SRGAP2: variants seen among roughly 807,000 people sequenced by gnomAD.
The protein encoded by SRGAP2 is SLIT-ROBO Rho GTPase-activating protein 2.
A neutral mutation model predicts 57.2 loss-of-function variants in SRGAP2; 15 were observed. That is an observed-to-expected ratio of 0.26 (90% CI 0.18 to 0.40). The LOEUF (loss-of-function observed/expected upper bound fraction) is 0.40, where lower values mean the gene tolerates loss of function less well. Ranked by LOEUF, SRGAP2 falls within the 10% of genes least tolerant of loss-of-function variation. The pLI is 1.00. For missense variants in SRGAP2, 520 were observed against 669.6 expected, an observed-to-expected ratio of 0.78 and a Z score of 2.47; for synonymous variants, 249 against 248.0, an observed-to-expected ratio of 1.00 and a Z score of -0.04.
chr1:206,419,899 G>A lies in SRGAP2; in HGVS notation c.1469+499G>A, dbSNP rs962078980. Among the ~76,000 whole-genome samples, 11 of 151,740 alleles carry A rather than the reference G, an allele frequency of 7.2e-5. No individual in the cohort carries two copies. The East Asian group carries it at 1.7e-3, about 24-fold the overall frequency. On this transcript the variant is annotated intron_variant, in intron 12 of 22. Transcript: ENST00000573034. ...ATGAAATATTACATTGCATTGGCTC[G>A]CCAAAGAGTATTGGTAGAAATATTT... is the stretch of plus-strand genomic sequence containing the variant.
chr1:206,291,425 A>G (rs1671313410), intron 2 of SRGAP2, among the ~76,000 whole-genome samples: 1 of 152,136 alleles, frequency 6.6e-6, no homozygotes, highest in African/African-American at 2.4e-5. Context: ...ATAACAATCC[A>G]GTGGAGTGGC....
intron 5 of SRGAP2, among the ~76,000 whole-genome samples, chr1:206,391,650 C>A (rs1311474835): frequency 6.8e-6 from 1 of 146,338 alleles, no homozygotes; most frequent in African/African-American, 2.7e-5. Flanking sequence ...CATGCACACA[C>A]ACACCCAACT....
chr1:206,453,354 C>A lies in SRGAP2; in HGVS notation c.2334C>A (p.Pro778=). 1 of 728,596 alleles carries A rather than the reference C, an allele frequency of 1.4e-6. No individual in the cohort carries two copies. Among genetic ancestry groups the A allele is most frequent in the Non-Finnish European group, 2.6e-6 (1 of 390,036 alleles). The allele number at this position is 728,596 out of a possible 1,614,324, so 45.1% of individuals were successfully genotyped here. The part of the protein sequence containing the change: ...GRHNGIDGLI[P]HQYIVVQDTE... Reference sequence around the variant, plus strand: ...ACAATGGCATCGACGGACTCATCCCCCATCAGTACATCGTGGTCCAAGACA... The same window carrying A: ...ACAATGGCATCGACGGACTCATCCCACATCAGTACATCGTGGTCCAAGACA... Residue 778 remains proline (P), a synonymous_variant, in exon 20 of 23, where the codon CCC becomes CCA. Transcript: ENST00000573034.
intron 22 of SRGAP2, among the ~76,000 whole-genome samples, 173 bp from the exon 23 acceptor site, chr1:206,460,864 G>A (rs1029208682): frequency 3.3e-5 from 5 of 151,592 alleles, no homozygotes; most frequent in Non-Finnish European, 5.9e-5. Flanking sequence ...AAATCCCTCC[G>A]TCCCCCTTTC....
chr1:206,453,691 G>A, intron 20 of SRGAP2: 1 of 272,386 alleles, frequency 3.7e-6, no homozygotes, highest in Non-Finnish European at 6.8e-6. Flanking sequence ...GATAACAAGG[G>A]GTTTTTATTT....
At chr1:206,359,893 G>A (rs1440294914) in intron 4 of SRGAP2, among the ~76,000 whole-genome samples, 11 of 124,140 alleles carry the variant, frequency 8.9e-5, no homozygotes, top group Non-Finnish European at 1.3e-4. Context: ...TGCAAGCTCC[G>A]CCTCCCGGGT....
intron 12 of SRGAP2, among the ~76,000 whole-genome samples, chr1:206,420,807 C>G (rs928976311): frequency 6.6e-6 from 1 of 152,130 alleles, no homozygotes; most frequent in Non-Finnish European, 1.5e-5. Context: ...AAAAATTGTT[C>G]CCTGTAAAGA....
intron 3 of SRGAP2, among the ~76,000 whole-genome samples, chr1:206,319,051 T>C (rs1447479550): frequency 2.0e-5 from 3 of 152,170 alleles, no homozygotes; most frequent in African/African-American, 4.8e-5. Context: ...GTTATTGTTA[T>C]GGGCTTTGTC....
At chr1:206,436,115 T>C (rs1208417168) in intron 14 of SRGAP2, among the ~76,000 whole-genome samples, 1 of 152,068 alleles carries the variant, frequency 6.6e-6, no homozygotes, top group African/African-American at 2.4e-5. Flanking sequence ...TATCATCAGC[T>C]ATCATTAGAA....
At chr1:206,332,804 C>T (rs1674466180) in intron 3 of SRGAP2, among the ~76,000 whole-genome samples, 1 of 152,006 alleles carries the variant, frequency 6.6e-6, no homozygotes, top group South Asian at 2.1e-4. Context: ...CTTCTTCTCT[C>T]AGCTCGTCAA....
At chr1:206,272,480 C>T (rs1234407961) in intron 2 of SRGAP2, among the ~76,000 whole-genome samples, 2 of 151,644 alleles carry the variant, frequency 1.3e-5, no homozygotes, top group East Asian at 1.9e-4. Context: ...GGCACGATCT[C>T]GGCTCTCTGC....
chr1:206,325,721 AT>A (rs1385114047), intron 3 of SRGAP2, among the ~76,000 whole-genome samples: 4 of 151,928 alleles, frequency 2.6e-5, no homozygotes, highest in Non-Finnish European at 4.4e-5. Context: ...CTATAAGTTG[AT>A]TTTTTTAAAC....
intron 21 of SRGAP2, chr1:206,458,224 A>T (rs1663995495): frequency 2.5e-6 from 1 of 395,100 alleles, no homozygotes; most frequent in African/African-American, 2.1e-5. Flanking sequence ...TCCTCTTACC[A>T]GCAATCTTGA....
chr1:206,396,864 AG>A (rs1657645537), intron 7 of SRGAP2, among the ~76,000 whole-genome samples: 1 of 133,706 alleles, frequency 7.5e-6, no homozygotes, highest in Non-Finnish European at 1.6e-5. Context: ...GAAGGAAGAA[AG>A]GAATAGAAAG....
At chr1:206,442,294 G>A (rs1310639318) in intron 17 of SRGAP2, among the ~76,000 whole-genome samples, 1 of 152,206 alleles carries the variant, frequency 6.6e-6, no homozygotes. Context: ...CTGCCTTTGG[G>A]TTGAACACCC....
At chr1:206,325,452 T>C (rs1433240155) in intron 3 of SRGAP2, among the ~76,000 whole-genome samples, 1 of 151,482 alleles carries the variant, frequency 6.6e-6, no homozygotes, top group East Asian at 1.9e-4. Flanking sequence ...CAAGTGATCC[T>C]CCCACCTCAG....
chr1:206,439,171 C>G (rs1662045545), intron 16 of SRGAP2, among the ~76,000 whole-genome samples: 1 of 152,064 alleles, frequency 6.6e-6, no homozygotes, highest in Admixed American at 6.6e-5. Context: ...CCAGTACTTC[C>G]CATCTCTTTT....
At chr1:206,210,645 G>T (rs1264082118) in intron 2 of SRGAP2, among the ~76,000 whole-genome samples, 2 of 149,372 alleles carry the variant, frequency 1.3e-5, no homozygotes. Context: ...ATATAAACAA[G>T]CTCTTTCCCT....
chr1:206,421,765 G>A lies in SRGAP2; in HGVS notation c.1494+491G>A, dbSNP rs534615856. On this transcript the variant is annotated intron_variant, in intron 13 of 22. Coordinates refer to ENST00000573034, the MANE Select transcript of SRGAP2 (RefSeq NM_015326.5). ...AGAAGATTAAGTCTGGTCTAGGAAC[G>A]ATAGGCAAGGGCCGTTCAACTCTGC... is the stretch of plus-strand genomic sequence containing the variant. 2.6e-5 allele frequency among the ~76,000 whole-genome samples: 4 copies of A among 152,274 alleles called. No homozygotes were observed. The East Asian group carries it at 5.8e-4, about 22-fold the overall frequency.
Sources: allele counts gnomAD v4.1 joint callset (sites outside exome capture counted in the v4.1 genomes callset), GRCh38; gene constraint gnomAD v4.1.1; transcripts MANE v1.5; gene names NCBI Gene and HGNC (gene_info 2026-07-23, HGNC 2026-07-21).